TAF1B: variants seen among roughly 807,000 people sequenced by gnomAD.
TAF1B encodes the protein TATA box-binding protein-associated factor RNA polymerase I subunit B.
In TAF1B, 61 loss-of-function variants were observed where a neutral mutation model predicts 83.9. That is an observed-to-expected ratio of 0.73 (90% CI 0.59 to 0.90). TAF1B has a LOEUF of 0.90. Ranked by LOEUF, TAF1B falls within the 40% of genes least tolerant of loss-of-function variation. The pLI, the probability that TAF1B is intolerant of heterozygous loss-of-function variation, is 0.00. For missense variants in TAF1B, 625 were observed against 677.0 expected (o/e 0.92, Z 0.85); for synonymous variants, 221 against 224.6 (o/e 0.98, Z 0.14).
intron 14 of TAF1B, 105 bp downstream of exon 14, chr2:9,919,925 G>A (rs578218498): frequency 5.4e-5 from 57 of 1,049,766 alleles, no homozygotes; most frequent in Middle Eastern, 3.1e-4. Flanking sequence ...TTAAAGTCAC[G>A]AAAATCAGAA....
intron 7 of TAF1B, among the ~76,000 whole-genome samples, chr2:9,879,534 G>A (rs549883567): frequency 6.6e-6 from 1 of 152,296 alleles, no homozygotes; most frequent in African/African-American, 2.4e-5. Flanking sequence ...ACAGGTAGCT[G>A]AAACCATGCA....
At chr2:9,880,426 CTTTTTTTTTTTTT>C (rs6146620) in intron 7 of TAF1B, among the ~76,000 whole-genome samples, 3,183 of 75,288 alleles carry the variant, frequency 0.042, 98 homozygotes, top group Admixed American at 0.074. Flanking sequence ...GAGTAAGCAG[CTTTTTTTTTTTTT>C]TTTTTTTTTT....
intron 8 of TAF1B, among the ~76,000 whole-genome samples, chr2:9,894,212 T>C (rs755593732): frequency 6.1e-5 from 9 of 148,716 alleles, no homozygotes; most frequent in Middle Eastern, 3.6e-3. Flanking sequence ...GATTACATGA[T>C]TTGAAATAGC....
At chr2:9,851,691 A>G in intron 4 of TAF1B, 53 bp downstream of exon 4, 2 of 1,411,142 alleles carry the variant, frequency 1.4e-6, no homozygotes, top group Non-Finnish European at 2.0e-6. Flanking sequence ...TTTAAAGAAC[A>G]GTAAGACTTA....
chr2:9,872,325 TAAAAA>T (rs34234383), intron 6 of TAF1B, among the ~76,000 whole-genome samples: 1 of 138,054 alleles, frequency 7.2e-6, no homozygotes, highest in Admixed American at 7.2e-5. Context: ...GATTCCATCT[TAAAAA>T]AAAAAAAAAA....
rs946713458 is a variant in TAF1B, at chr2:9,877,945, G to T, written c.707+1927G>T. ...AGCTAGGGGGCTTTTGTTTTGCTCTGTGGAATACACAAGTTTGGGAACAGA... is the reference window on the plus strand; with the variant it reads ...AGCTAGGGGGCTTTTGTTTTGCTCTTTGGAATACACAAGTTTGGGAACAGA... On this transcript the variant is annotated intron_variant, in intron 7 of 14. Transcript: ENST00000263663. Among the ~76,000 whole-genome samples the T allele has an allele frequency of 5.3e-5, 8 of 152,036 alleles. No individual in the cohort carries two copies. In the South Asian group the frequency reaches 1.0e-3, roughly 20 times the overall value.
chr2:9,887,832 A>C (rs956844748), intron 8 of TAF1B, among the ~76,000 whole-genome samples: 1 of 151,654 alleles, frequency 6.6e-6, no homozygotes, highest in Non-Finnish European at 1.5e-5. Context: ...GGATTAATTA[A>C]GAATTTTTTG....
chr2:9,863,815 A>G lies in TAF1B; in HGVS notation c.400-4461A>G, dbSNP rs544476904. ...AACTCACTCAAAACTGCTCAACTAC[A>G]TGGAAACTGAACAACCTGTTCCCGA... is the stretch of plus-strand genomic sequence containing the variant. On this transcript the variant is annotated intron_variant, in intron 5 of 14. Transcript: ENST00000263663. 3.3e-5 allele frequency among the ~76,000 whole-genome samples: 5 copies of G among 152,378 alleles called. No individual in the cohort carries two copies. The South Asian group carries it at 8.3e-4, about 25-fold the overall frequency.
chr2:9,857,713 T>C (rs1663609364), intron 5 of TAF1B, among the ~76,000 whole-genome samples: 3 of 152,118 alleles, frequency 2.0e-5, no homozygotes, highest in Admixed American at 2.0e-4. Context: ...AGGCATGTCT[T>C]ACATGGCAGC....
At chr2:9,843,678 CG>C in intron 1 of TAF1B, 119 bp downstream of exon 1, 2 of 1,187,530 alleles carry the variant, frequency 1.7e-6, no homozygotes, top group Non-Finnish European at 1.1e-6. Flanking sequence ...TGGAGGAAGG[CG>C]GGGCGGAGGG....
intron 8 of TAF1B, among the ~76,000 whole-genome samples, chr2:9,898,449 A>G (rs1277470390): frequency 6.6e-6 from 1 of 152,214 alleles, no homozygotes; most frequent in African/African-American, 2.4e-5. Context: ...AAGGGTCAGT[A>G]TAAAACAAAA....
At chr2:9,847,061 A>G (rs16867192) in intron 2 of TAF1B, among the ~76,000 whole-genome samples, 26,988 of 152,172 alleles carry the variant, frequency 0.18, 2,486 homozygotes, top group Middle Eastern at 0.28. Context: ...ACATTAACTA[A>G]TTGCTTTTCT....
At position 9,875,948 on chromosome 2, in the gene TAF1B, C is replaced by T; in HGVS notation, c.637C>T (p.Gln213Ter). Reference protein sequence around the residue: ...EKGIVKMTMPQTLAFCYLSLL... With the variant: ...EKGIVKMTMP ...GGGAATCGTGAAGATGACCATGCCA[C>T]AGACACTTGCCTTCTGTTATCTGTC... Residue 213 changes from glutamine (Q) to a stop codon, truncating the protein, a stop_gained, in exon 7 of 15, where the codon CAG (glutamine) becomes TAG (stop). Transcript: ENST00000263663. LOFTEE classifies it high-confidence loss of function. The T allele has an allele frequency of 1.2e-6, 2 of 1,613,802 alleles. No individual in the cohort carries two copies. Among genetic ancestry groups the T allele is most frequent in the Non-Finnish European group, 1.7e-6 (2 of 1,179,750 alleles).
At chr2:9,909,724 C>T (rs1208084685) in intron 9 of TAF1B, among the ~76,000 whole-genome samples, 1 of 152,146 alleles carries the variant, frequency 6.6e-6, no homozygotes, top group Non-Finnish European at 1.5e-5. Flanking sequence ...TAGGTATATT[C>T]ATTAATTTAG....
At chr2:9,877,821 C>T (rs1664369330) in intron 7 of TAF1B, among the ~76,000 whole-genome samples, 1 of 151,984 alleles carries the variant, frequency 6.6e-6, no homozygotes, top group Non-Finnish European at 1.5e-5. Context: ...ACTACCCACC[C>T]CTCTTCTCTC....
chr2:9,916,834 G>GTTGTTTTTTTTTTTTTTTTTTTT (rs1572282272), intron 12 of TAF1B, among the ~76,000 whole-genome samples: 1 of 44,846 alleles, frequency 2.2e-5, no homozygotes, highest in African/African-American at 4.6e-5. Flanking sequence ...TTTCCTTTCT[G>GTTGTTTTTTTTTTTTTTTTTTTT]TTCTTTTTTT....
chr2:9,920,586 C>CGGG lies in TAF1B; in HGVS notation c.1565+770_1565+772dup, dbSNP rs139852104. ...GGCGTCTGTAGACTGGGGCGGGGGG[C>CGGG]GGGGGGTCCATTTGCCCCTCAGGTG... is the stretch of plus-strand genomic sequence containing the variant. On this transcript the variant is annotated intron_variant, in intron 14 of 14. Transcript: ENST00000263663. Among the ~76,000 whole-genome samples the CGGG allele has an allele frequency of 1.7e-3, 188 of 113,288 alleles. 1 individual carries two copies. The highest frequency in any genetic ancestry group is 4.5e-3 in the African/African-American group (128 of 28,504). 74.3% of individuals were successfully genotyped at this position (113,288 alleles called of 152,430 possible). A position where few individuals can be genotyped will look rare whatever the true frequency, so the allele number is the denominator to read the frequency against.
At chr2:9,917,744 T>A (rs1449489739) in intron 12 of TAF1B, among the ~76,000 whole-genome samples, 2 of 152,168 alleles carry the variant, frequency 1.3e-5, no homozygotes, top group Admixed American at 1.3e-4. Context: ...TTTAAGAACC[T>A]CCATAATTTG....
intron 9 of TAF1B, among the ~76,000 whole-genome samples, chr2:9,906,637 A>G (rs960355800): frequency 6.6e-6 from 1 of 152,240 alleles, no homozygotes; most frequent in Non-Finnish European, 1.5e-5. Context: ...AGCATGGAAA[A>G]TGTTTATGTT....
Sources: gnomAD v4.1 joint callset for allele counts (sites outside exome capture counted in the v4.1 genomes callset) on GRCh38, gnomAD v4.1.1 for gene constraint, MANE v1.5 for transcripts, NCBI Gene and HGNC (gene_info 2026-07-23, HGNC 2026-07-21) for gene names.